Variants in SGSM1 observed in about 807,000 individuals in gnomAD.
The protein encoded by SGSM1 is RUN and TBC1 domain containing 2.
A neutral mutation model predicts 133.8 loss-of-function variants in SGSM1; 73 were observed. The ratio of observed to expected loss-of-function variants is 0.55; its 90% CI spans 0.45 to 0.66. The LOEUF is 0.66. Ranked by LOEUF, SGSM1 falls within the 30% of genes least tolerant of loss-of-function variation. The pLI, the probability that SGSM1 is intolerant of heterozygous loss-of-function variation, is 0.00. For missense variants in SGSM1, 1,213 were observed against 1,448.1 expected (o/e 0.84, Z 2.64); for synonymous variants, 563 against 573.0 (o/e 0.98, Z 0.25).
chr22:24,874,933 G>A (rs1931956335), intron 12 of SGSM1, among the ~76,000 whole-genome samples: 1 of 152,232 alleles, frequency 6.6e-6, no homozygotes, highest in Admixed American at 6.5e-5. Flanking sequence ...ATCTTGGCTA[G>A]CTCATGGGTG....
In SGSM1 at chr22:24,859,803, A is replaced by C. The variant is rs1261238190; in HGVS notation, c.889A>C (p.Met297Leu). The change falls in exon 9 of 25, where the codon ATG becomes CTG. Residue 297 changes from methionine to leucine, a missense_variant. By Grantham distance (15) the Met-to-Leu change is conservative. Transcript: ENST00000400358. ...CTTGAAGTGGACACCCAACCAGCTG[A>C]TGAACGGGTCTGTGGGGGACCTGGA... ...MTLKWTPNQL[M>L]NGSVGDLDYE... is the part of the protein sequence containing the mutation. The C allele has an allele frequency of 6.2e-7, 1 of 1,613,880 alleles. No homozygotes were observed. Among genetic ancestry groups the C allele is most frequent in the Non-Finnish European group, 8.5e-7 (1 of 1,179,838 alleles).
chr22:24,923,002 C>T (rs1934067478), intron 24 of SGSM1, among the ~76,000 whole-genome samples: 1 of 152,114 alleles, frequency 6.6e-6, no homozygotes, highest in Non-Finnish European at 1.5e-5. Context: ...ATGGTGCATA[C>T]CTGTAATCCC....
intron 9 of SGSM1, among the ~76,000 whole-genome samples, chr22:24,866,720 A>G (rs1931478733): frequency 6.6e-6 from 1 of 152,124 alleles, no homozygotes; most frequent in South Asian, 2.1e-4. Flanking sequence ...ATGGAAATCT[A>G]ATAATTGAGT....
chr22:24,854,894 CTG>C, intron 5 of SGSM1, 100 bp from the exon 6 acceptor site: 1 of 840,028 alleles, frequency 1.2e-6, no homozygotes, highest in Non-Finnish European at 2.0e-6. Context: ...AGCTGAGGCT[CTG>C]GGTGGTAACC....
intron 4 of SGSM1, among the ~76,000 whole-genome samples, chr22:24,848,342 G>A (rs1169027400): frequency 6.6e-6 from 1 of 152,002 alleles, no homozygotes; most frequent in East Asian, 1.9e-4. Flanking sequence ...AACCAATATG[G>A]CCTCTGTCTG....
chr22:24,924,046 T>G, intron 24 of SGSM1, 140 bp from the exon 25 acceptor site: 1 of 702,026 alleles, frequency 1.4e-6, no homozygotes, highest in Non-Finnish European at 2.5e-6. Context: ...GGTCCAGAGG[T>G]AGAGGCCTTC....
At chr22:24,887,604 A>G (rs1434326933) in intron 16 of SGSM1, among the ~76,000 whole-genome samples, 1 of 152,214 alleles carries the variant, frequency 6.6e-6, no homozygotes, top group East Asian at 1.9e-4. Flanking sequence ...ATGAGTAAGA[A>G]TGTAATTGCT....
intron 2 of SGSM1, among the ~76,000 whole-genome samples, chr22:24,839,436 A>G (rs1477154555): frequency 6.6e-6 from 1 of 152,204 alleles, no homozygotes; most frequent in African/African-American, 2.4e-5. Flanking sequence ...ATGCATATTT[A>G]TCATAGATAT....
intron 21 of SGSM1, among the ~76,000 whole-genome samples, chr22:24,908,045 C>T (rs1358040405): frequency 6.6e-6 from 1 of 151,776 alleles, no homozygotes; most frequent in Non-Finnish European, 1.5e-5. Context: ...GAATTGAGAG[C>T]CCATAAGTAA....
intron 21 of SGSM1, among the ~76,000 whole-genome samples, chr22:24,908,180 G>A (rs1933474975): frequency 6.6e-6 from 1 of 152,086 alleles, no homozygotes; most frequent in African/African-American, 2.4e-5. Context: ...AAAGATTGAA[G>A]TTGAACCCTT....
chr22:24,839,873 C>T, intron 2 of SGSM1, among the ~76,000 whole-genome samples: 1 of 145,778 alleles, frequency 6.9e-6, no homozygotes, highest in Admixed American at 6.8e-5. Flanking sequence ...TCTTTTTTTT[C>T]TTAGTCAATC....
chr22:24,873,178 A>C (rs1259325833), intron 12 of SGSM1, among the ~76,000 whole-genome samples: 1 of 151,736 alleles, frequency 6.6e-6, no homozygotes, highest in Non-Finnish European at 1.5e-5. Flanking sequence ...CCTAGGCTGG[A>C]CTTGGAACTC....
rs377532596 is a variant in SGSM1 at position 24,874,826 on chromosome 22, G to C, written c.1292-1751G>C. On this transcript the variant is annotated intron_variant, in intron 12 of 24. Transcript: ENST00000400358. ...GTGTGAGAGGCTGAGATGGAGGAAG[G>C]CATGGTTGCCATGCTTGGGCTAAAC... Among the ~76,000 whole-genome samples, 12 of 152,372 alleles carry C rather than the reference G, an allele frequency of 7.9e-5. No individual in the cohort carries two copies. In the East Asian group the frequency reaches 1.2e-3, roughly 15 times the overall value.
intron 5 of SGSM1, among the ~76,000 whole-genome samples, chr22:24,851,642 C>T (rs1044745715): frequency 2.6e-5 from 4 of 152,136 alleles, no homozygotes; most frequent in Admixed American, 6.5e-5. Flanking sequence ...AGTTCACGTG[C>T]TTGTAAGGAA....
intron 8 of SGSM1, among the ~76,000 whole-genome samples, chr22:24,858,246 C>G (rs538644639): frequency 6.6e-6 from 1 of 152,322 alleles, no homozygotes; most frequent in East Asian, 1.9e-4. Flanking sequence ...TCCCAAACCT[C>G]TGGGATTGTA....
intron 2 of SGSM1, among the ~76,000 whole-genome samples, chr22:24,833,940 C>G (rs912161130): frequency 6.6e-6 from 1 of 152,214 alleles, no homozygotes; most frequent in Non-Finnish European, 1.5e-5. Flanking sequence ...GCTCCTCTTC[C>G]CACCCTCTCA....
intron 21 of SGSM1, among the ~76,000 whole-genome samples, chr22:24,907,264 T>C (rs1473621690): frequency 1.1e-4 from 1 of 9,296 alleles, no homozygotes; most frequent in Non-Finnish European, 1.8e-4. Context: ...CCATCTCAAA[T>C]AAATAAATAA....
intron 17 of SGSM1, among the ~76,000 whole-genome samples, chr22:24,894,731 G>A (rs544852228): frequency 3.9e-5 from 6 of 152,290 alleles, no homozygotes; most frequent in East Asian, 1.9e-4. Context: ...GAGAGAAAGC[G>A]GAAATGCACA....
intron 21 of SGSM1, among the ~76,000 whole-genome samples, chr22:24,909,776 C>T (rs1388675984): frequency 6.6e-6 from 1 of 152,082 alleles, no homozygotes; most frequent in Admixed American, 6.6e-5. Flanking sequence ...CTTTAAAAAA[C>T]AGTCTGGCAG....
Sources: allele counts gnomAD v4.1 joint callset (sites outside exome capture counted in the v4.1 genomes callset), GRCh38; gene constraint gnomAD v4.1.1; transcripts MANE v1.5; gene names NCBI Gene and HGNC (gene_info 2026-07-23, HGNC 2026-07-21).